CCDC14: variants seen among roughly 807,000 people sequenced by gnomAD.
CCDC14 encodes coiled-coil domain-containing protein 14.
CCDC14 carries 71 observed loss-of-function variants against 81.4 expected under a neutral mutation model. The ratio of observed to expected loss-of-function variants is 0.87; its 90% CI spans 0.72 to 1.06. CCDC14 has a LOEUF of 1.06. Among genes scored for constraint, CCDC14 ranks in the 50% least tolerant of loss-of-function variants. CCDC14 has a pLI of 0.00. For synonymous variants in CCDC14, 332 were observed against 364.8 expected (o/e 0.91, Z 1.03); for missense variants, 1,046 against 1,047.3 (o/e 1.00, Z 0.02).
rs960925048 is a variant in CCDC14 at position 123,948,881 on chromosome 3, A to G, written c.589+15T>C. The G allele has an allele frequency of 6.2e-7, 1 of 1,601,332 alleles. No individual in the cohort carries two copies. Among genetic ancestry groups the G allele is most frequent in the Admixed American group, 1.7e-5 (1 of 58,976 alleles). ...GAACTTACACTCACGATTTTTAAACAGCATTCGTACTCACCAGAATGAGAG... is the reference window on the plus strand; with the variant it reads ...GAACTTACACTCACGATTTTTAAACGGCATTCGTACTCACCAGAATGAGAG... On this transcript the variant is annotated intron_variant, in intron 6 of 12. Coordinates refer to ENST00000409697, the MANE Select transcript of CCDC14 (RefSeq NM_001366335.1).
intron 5 of CCDC14, chr3:123,953,694 C>T (rs1428937918): frequency 6.6e-6 from 1 of 152,168 alleles, no homozygotes; most frequent in African/African-American, 2.4e-5. Flanking sequence ...TCAGGATATA[C>T]ACTTATTCCT....
chr3:123,916,854 T>A (rs1225508624), intron 12 of CCDC14, among the ~76,000 whole-genome samples: 1 of 152,030 alleles, frequency 6.6e-6, no homozygotes, highest in Non-Finnish European at 1.5e-5. Context: ...TTTTTTATTT[T>A]TTTGAGATGG....
intron 1 of CCDC14, among the ~76,000 whole-genome samples, chr3:123,960,599 A>G (rs2037623033): frequency 6.6e-6 from 1 of 152,230 alleles, no homozygotes; most frequent in Non-Finnish European, 1.5e-5. Context: ...CATCTGCCAC[A>G]TAAGTCCTAT....
chr3:123,946,781 G>A (rs1319261134), intron 8 of CCDC14, 22 bp downstream of exon 8: 1 of 1,595,138 alleles, frequency 6.3e-7, no homozygotes, highest in South Asian at 1.1e-5. Context: ...CCATACTACA[G>A]AAAGTTATAA....
chr3:123,887,532 T>G, the CCDC14 span, among the ~76,000 whole-genome samples: 2 of 152,272 alleles, frequency 1.3e-5, no homozygotes, highest in African/African-American at 4.8e-5. Flanking sequence ...CATTATTTCT[T>G]ATAGTTCTGG....
At position 123,956,532 on chromosome 3, in the gene CCDC14, T is replaced by C; in HGVS notation, c.87-105A>G. The C allele has an allele frequency of 8.3e-6, 7 of 846,874 alleles. No individual in the cohort carries two copies. The South Asian group carries it at 9.0e-5, about 11-fold the overall frequency. The allele number at this position is 846,874 out of a possible 1,614,324, so 52.5% of individuals were successfully genotyped here. Reference sequence around the variant, plus strand: ...AGACAAGAAAGCTTGTCCAACCATGTACAAGATGAATTTATAAACACATTC... The same window carrying C: ...AGACAAGAAAGCTTGTCCAACCATGCACAAGATGAATTTATAAACACATTC... On this transcript the variant is annotated intron_variant, in intron 2 of 12. Transcript: ENST00000409697.
intron 9 of CCDC14, among the ~76,000 whole-genome samples, chr3:123,943,036 A>T (rs2036434929): frequency 6.6e-6 from 1 of 151,856 alleles, no homozygotes; most frequent in Admixed American, 6.6e-5. Flanking sequence ...TATATCTGTG[A>T]CATTATTTTA....
Position 123,914,929 on chromosome 3 carries a change from G to A in CCDC14, c.2568C>T (p.Phe856=). Residue 856 remains phenylalanine (F), a synonymous_variant, in exon 13 of 13, where the codon TTC becomes TTT. Coordinates refer to ENST00000409697, the MANE Select transcript of CCDC14 (RefSeq NM_001366335.1). ...KGNTVCDGSV[F]TSDLMSDWSI... ...TCCAGTCAGACATCAAGTCAGAAGT[G>A]AAAACACTACCATCACAGACAGTAT... is the stretch of plus-strand genomic sequence containing the variant. 6.2e-7 allele frequency: 1 copy of A among 1,614,060 alleles called. No individual in the cohort carries two copies. Among genetic ancestry groups the A allele is most frequent in the East Asian group, 2.2e-5 (1 of 44,888 alleles).
At chr3:123,903,952 G>A (rs1343397299) in intron 5 of CCDC14, among the ~76,000 whole-genome samples, 1 of 152,150 alleles carries the variant, frequency 6.6e-6, no homozygotes, top group Non-Finnish European at 1.5e-5. Context: ...TTGTGGGCAT[G>A]ATTCTTTGAG....
intron 7 of CCDC14, among the ~76,000 whole-genome samples, chr3:123,948,202 T>C (rs1226329598): frequency 1.3e-5 from 2 of 151,804 alleles, no homozygotes; most frequent in African/African-American, 4.8e-5. Context: ...TCCTTCATTA[T>C]TGTCATTAAT....
At chr3:123,946,702 C>T (rs2036641412) in intron 8 of CCDC14, 101 bp downstream of exon 8, 2 of 1,194,242 alleles carry the variant, frequency 1.7e-6, no homozygotes, top group Non-Finnish European at 2.4e-6. Context: ...AAACACAGTT[C>T]TATGGAAAAT....
chr3:123,921,101 C>T (rs890082731), intron 12 of CCDC14, among the ~76,000 whole-genome samples: 1 of 152,044 alleles, frequency 6.6e-6, no homozygotes, highest in African/African-American at 2.4e-5. Context: ...AGAAAACCAT[C>T]AAACCACAAA....
At chr3:123,952,574 A>G (rs907662802) in intron 5 of CCDC14, 1 of 525,356 alleles carries the variant, frequency 1.9e-6, no homozygotes, top group Non-Finnish European at 3.9e-6. Context: ...TTAGTCCCAG[A>G]ATGCATCATG....
chr3:123,893,222 G>A (rs2034014300), downstream of CCDC14, among the ~76,000 whole-genome samples: 1 of 152,128 alleles, frequency 6.6e-6, no homozygotes, highest in African/African-American at 2.4e-5. Context: ...TACACATTAA[G>A]CAACATCTCC....
Position 123,947,185 on chromosome 3 carries a change from T to C in CCDC14, c.819A>G (p.Ser273=), listed in dbSNP as rs1407948742. 59 of 1,613,984 alleles carry C rather than the reference T, an allele frequency of 3.7e-5. No individual in the cohort carries two copies. Among genetic ancestry groups the C allele is most frequent in the Non-Finnish European group, 5.0e-5 (59 of 1,179,870 alleles). The stretch of plus-strand genomic sequence containing the variant: ...CCAGTTGCTGCAATGTTGGAATAGC[T>C]GATATGTCAGTTTTGGGCAGGCTAC... ...VPCSLPKTDI[S]AIPTLQQLGL... is the part of the protein sequence containing the mutation. Residue 273 remains serine, a synonymous_variant, in exon 8 of 13, where the codon TCA becomes TCG. Coordinates refer to ENST00000409697, the MANE Select transcript of CCDC14 (RefSeq NM_001366335.1).
At chr3:123,893,500 T>C (rs2148751944), downstream of CCDC14, among the ~76,000 whole-genome samples, 1 of 152,332 alleles carries the variant, frequency 6.6e-6, no homozygotes, top group East Asian at 1.9e-4. Context: ...TTTTACATTT[T>C]GGCTATTATG....
At chr3:123,906,712 A>C (rs1489687164) in intron 5 of CCDC14, among the ~76,000 whole-genome samples, 2 of 152,222 alleles carry the variant, frequency 1.3e-5, no homozygotes. Context: ...CCTACAAAGC[A>C]ACAAGGATCT....
At chr3:123,956,877 CA>C in intron 1 of CCDC14, 82 bp from the exon 2 acceptor site, 1 of 905,168 alleles carries the variant, frequency 1.1e-6, no homozygotes, top group Non-Finnish European at 1.7e-6. Flanking sequence ...AATTTAATGT[CA>C]TTTTTTTCTT....
In CCDC14 at chr3:123,956,338, T is replaced by C. The variant is rs899116371; in HGVS notation, c.159+17A>G. ...AAACTAATTAAAATAGTGTGTATTGTATCTATTCAATCTTACCTGACTTTC... is the reference window on the plus strand; with the variant it reads ...AAACTAATTAAAATAGTGTGTATTGCATCTATTCAATCTTACCTGACTTTC... On this transcript the variant is annotated intron_variant, in intron 3 of 12. Coordinates refer to ENST00000409697, the MANE Select transcript of CCDC14 (RefSeq NM_001366335.1). 6 of 1,504,316 alleles carry C rather than the reference T, an allele frequency of 4.0e-6. No homozygotes were observed. The highest frequency in any genetic ancestry group is 5.4e-6 in the Non-Finnish European group (6 of 1,111,126). 93.2% of individuals were successfully genotyped at this position (1,504,316 alleles called of 1,614,324 possible). A position where few individuals can be genotyped will look rare whatever the true frequency, so the allele number is the denominator to read the frequency against.
Sources: gnomAD v4.1 joint callset for allele counts (sites outside exome capture counted in the v4.1 genomes callset) on GRCh38, gnomAD v4.1.1 for gene constraint, MANE v1.5 for transcripts, NCBI Gene and HGNC (gene_info 2026-07-23, HGNC 2026-07-21) for gene names.